Variants in PHACTR3 observed in about 807,000 individuals in gnomAD.
The protein encoded by PHACTR3 is phosphatase and actin regulator 3, also known as protein phosphatase 1, regulatory subunit 123.
In PHACTR3, 16 loss-of-function variants were observed where a neutral mutation model predicts 66.8. That is an observed-to-expected ratio of 0.24 (90% CI 0.16 to 0.36). The LOEUF (loss-of-function observed/expected upper bound fraction) is 0.36, where lower values mean the gene tolerates loss of function less well. PHACTR3 is among the 10% of genes least tolerant of loss of function. The pLI is 1.00. For missense variants in PHACTR3, 647 were observed against 719.9 expected, an observed-to-expected ratio of 0.90 and a Z score of 1.16; for synonymous variants, 323 against 292.1, an observed-to-expected ratio of 1.11 and a Z score of -1.08.
intron 1 of PHACTR3, among the ~76,000 whole-genome samples, chr20:59,635,105 TTC>T (rs2034804790): frequency 1.9e-5 from 1 of 52,914 alleles, no homozygotes; most frequent in South Asian, 9.3e-4. Context: ...TTCTCTCTCT[TTC>T]TTTCTTTCTT....
At chr20:59,807,810 G>C (rs2041616643) in intron 8 of PHACTR3, among the ~76,000 whole-genome samples, 1 of 152,162 alleles carries the variant, frequency 6.6e-6, no homozygotes, top group African/African-American at 2.4e-5. Context: ...GTGTATCATT[G>C]AAATGTCATG....
intron 1 of PHACTR3, among the ~76,000 whole-genome samples, chr20:59,725,952 G>A (rs376689338): frequency 6.6e-6 from 1 of 152,146 alleles, no homozygotes; most frequent in Non-Finnish European, 1.5e-5. Context: ...GACAGTATCC[G>A]CTTGGGGTCA....
chr20:59,665,853 G>A (rs2035967713), intron 1 of PHACTR3, among the ~76,000 whole-genome samples: 1 of 152,158 alleles, frequency 6.6e-6, no homozygotes, highest in Non-Finnish European at 1.5e-5. Flanking sequence ...CATGTTTATG[G>A]TTATCAGAAG....
At chr20:59,580,190 G>A (rs1233248136) in intron 1 of PHACTR3, among the ~76,000 whole-genome samples, 4 of 152,152 alleles carry the variant, frequency 2.6e-5, no homozygotes, top group African/African-American at 9.6e-5. Flanking sequence ...TCAATGTTGA[G>A]TCAGATAGGA....
intron 11 of PHACTR3, chr20:59,844,444 G>T (rs1448407136): frequency 6.6e-6 from 1 of 152,090 alleles, no homozygotes; most frequent in East Asian, 1.9e-4. Flanking sequence ...TAAAGAAAAT[G>T]TAGTGCGTGT....
intron 1 of PHACTR3, among the ~76,000 whole-genome samples, chr20:59,689,004 G>C (rs1032888008): frequency 6.6e-6 from 1 of 152,134 alleles, no homozygotes; most frequent in African/African-American, 2.4e-5. Flanking sequence ...TTCCTCCAAG[G>C]CACATATTTG....
intron 4 of PHACTR3, among the ~76,000 whole-genome samples, chr20:59,758,065 A>G (rs1227756012): frequency 6.6e-6 from 1 of 152,088 alleles, no homozygotes; most frequent in Non-Finnish European, 1.5e-5. Context: ...AGGGATGGAG[A>G]GTCGATGGGA....
At chr20:59,724,149 C>G (rs1407411686) in intron 1 of PHACTR3, among the ~76,000 whole-genome samples, 2 of 152,102 alleles carry the variant, frequency 1.3e-5, no homozygotes, top group East Asian at 1.9e-4. Context: ...CCCTCAGGGT[C>G]GGGATGTGAT....
At chr20:59,614,748 C>A (rs933613644) in intron 1 of PHACTR3, among the ~76,000 whole-genome samples, 10 of 152,110 alleles carry the variant, frequency 6.6e-5, no homozygotes, top group African/African-American at 2.2e-4. Context: ...AAGTTTGTAT[C>A]CATATATAGA....
chr20:59,582,155 G>C (rs753393839), intron 1 of PHACTR3, among the ~76,000 whole-genome samples: 29 of 152,176 alleles, frequency 1.9e-4, no homozygotes, highest in Admixed American at 6.5e-4. Flanking sequence ...GGAAGCCACT[G>C]TTACCATTCA....
chr20:59,811,773 C>T (rs1158524239), intron 8 of PHACTR3, among the ~76,000 whole-genome samples: 1 of 152,180 alleles, frequency 6.6e-6, no homozygotes, highest in Non-Finnish European at 1.5e-5. Flanking sequence ...TGGAACAGTG[C>T]AGCAAGCAGG....
chr20:59,682,758 G>A (rs1197539684), intron 1 of PHACTR3, among the ~76,000 whole-genome samples: 6 of 152,194 alleles, frequency 3.9e-5, no homozygotes, highest in African/African-American at 1.2e-4. Flanking sequence ...CAGTGAAGAC[G>A]CCCCGAATAA....
At chr20:59,717,086 T>C (rs2146665675) in intron 1 of PHACTR3, among the ~76,000 whole-genome samples, 1 of 152,346 alleles carries the variant, frequency 6.6e-6, no homozygotes, top group Admixed American at 6.5e-5. Context: ...ATTTACTGCA[T>C]TAAGATTATT....
intron 4 of PHACTR3, among the ~76,000 whole-genome samples, chr20:59,757,177 C>T (rs549110252): frequency 7.2e-4 from 110 of 152,358 alleles, no homozygotes; most frequent in South Asian, 2.7e-3. Context: ...GCCTGTGAGC[C>T]TCCCCAAGGG....
rs1464148172 is a variant in PHACTR3 at position 59,604,873 on chromosome 20, C to T, written c.-142C>T. The T allele has an allele frequency of 8.4e-7, 1 of 1,183,686 alleles. No individual in the cohort carries two copies. Among genetic ancestry groups the T allele is most frequent in the Non-Finnish European group, 1.0e-6 (1 of 960,408 alleles). 73.3% of individuals were successfully genotyped at this position (1,183,686 alleles called of 1,614,324 possible). ...TCTTTCTCCAGCTCGTTTCCTTTCC[C>T]GGCCTTTTTTTTTTTTTTTTTTTTT... On this transcript the variant is annotated 5_prime_UTR_variant, in exon 1 of 13. Coordinates refer to ENST00000371015, the MANE Select transcript of PHACTR3 (RefSeq NM_080672.5).
At chr20:59,591,106 C>T (rs2033170636) in intron 1 of PHACTR3, among the ~76,000 whole-genome samples, 1 of 152,232 alleles carries the variant, frequency 6.6e-6, no homozygotes, top group African/African-American at 2.4e-5. Context: ...CGTACATCAT[C>T]TTCATTCTCG....
At chr20:59,623,506 T>C (rs2034336201) in intron 1 of PHACTR3, among the ~76,000 whole-genome samples, 1 of 152,244 alleles carries the variant, frequency 6.6e-6, no homozygotes, top group Admixed American at 6.5e-5. Context: ...TGCTGATGGC[T>C]TTCTTGTGTA....
intron 1 of PHACTR3, among the ~76,000 whole-genome samples, chr20:59,662,352 C>T (rs1040944763): frequency 1.3e-5 from 2 of 152,068 alleles, no homozygotes; most frequent in Non-Finnish European, 2.9e-5. Context: ...AGGAAGCAGC[C>T]TTTACCCTGA....
Position 59,774,275 on chromosome 20 carries a change from A to G in PHACTR3, c.959A>G (p.Lys320Arg). 6.2e-7 allele frequency: 1 copy of G among 1,607,294 alleles called. No individual in the cohort carries two copies. The highest frequency in any genetic ancestry group is 8.5e-7 in the Non-Finnish European group (1 of 1,177,298). The change falls in exon 7 of 13, where the codon AAG becomes AGG. Residue 320 changes from lysine to arginine, a missense_variant. Lys to Arg is a conservative substitution (Grantham distance 26). Coordinates refer to ENST00000371015, the MANE Select transcript of PHACTR3 (RefSeq NM_080672.5). Reference sequence around the variant, plus strand: ...GGAAGAGAAAGTAAAGGGTCTCCAAAGAAGCGGCTGGATGTCCGTCTGTCG... The same window carrying G: ...GGAAGAGAAAGTAAAGGGTCTCCAAGGAAGCGGCTGGATGTCCGTCTGTCG... ...FQGRESKGSP[K>R]KRLDVRLSRT...
Sources: gnomAD v4.1 joint callset for allele counts (sites outside exome capture counted in the v4.1 genomes callset) on GRCh38, gnomAD v4.1.1 for gene constraint, MANE v1.5 for transcripts, NCBI Gene and HGNC (gene_info 2026-07-23, HGNC 2026-07-21) for gene names.